The following CNTNAP2 variants were observed in gnomAD, a reference collection of about 807,000 sequenced individuals.
CNTNAP2 encodes contactin-associated protein-like 2.
Under a neutral mutation model 155.2 loss-of-function variants are expected in CNTNAP2, and 98 were observed. The ratio of observed to expected loss-of-function variants is 0.63; its 90% CI spans 0.54 to 0.75. The LOEUF is 0.75. CNTNAP2 is among the 30% of genes least tolerant of loss of function. The pLI is 0.00. For missense variants in CNTNAP2, 1,727 were observed against 1,688.1 expected (o/e 1.02, Z -0.40); for synonymous variants, 651 against 631.2 (o/e 1.03, Z -0.47).
chr7:146,289,093 C>T (rs1025007596), intron 1 of CNTNAP2, among the ~76,000 whole-genome samples: 7 of 152,034 alleles, frequency 4.6e-5, no homozygotes, highest in East Asian at 1.9e-4. Flanking sequence ...CATGAGCCAC[C>T]GCGCCCTGGC....
At chr7:146,368,770 T>G (rs1795189778) in intron 1 of CNTNAP2, among the ~76,000 whole-genome samples, 2 of 151,728 alleles carry the variant, frequency 1.3e-5, no homozygotes, top group South Asian at 4.1e-4. Context: ...GAACAAGAAT[T>G]GTTATATTCT....
chr7:147,330,186 G>T (rs1480557154), intron 9 of CNTNAP2, among the ~76,000 whole-genome samples: 1 of 152,078 alleles, frequency 6.6e-6, no homozygotes, highest in Non-Finnish European at 1.5e-5. Context: ...CTGGAGATTA[G>T]GCTCTATGAA....
At chr7:147,769,308 A>G (rs903775874) in intron 13 of CNTNAP2, among the ~76,000 whole-genome samples, 2 of 152,114 alleles carry the variant, frequency 1.3e-5, no homozygotes, top group African/African-American at 2.4e-5. Flanking sequence ...AGCACATACT[A>G]TGTTCGCTGG....
chr7:147,275,928 T>G (rs1042817381), intron 8 of CNTNAP2, among the ~76,000 whole-genome samples: 8 of 151,260 alleles, frequency 5.3e-5, no homozygotes, highest in East Asian at 1.9e-4. Context: ...ATCATATGGG[T>G]TTTTTTTTAA....
At chr7:146,963,341 A>G (rs1173804256) in intron 3 of CNTNAP2, among the ~76,000 whole-genome samples, 2 of 152,134 alleles carry the variant, frequency 1.3e-5, no homozygotes, top group Admixed American at 6.5e-5. Context: ...CTCAAATGTC[A>G]TGTATCTTTG....
At chr7:147,692,420 C>T in intron 13 of CNTNAP2, among the ~76,000 whole-genome samples, 1 of 152,090 alleles carries the variant, frequency 6.6e-6, no homozygotes, top group East Asian at 1.9e-4. Context: ...AGGTTTGTAA[C>T]ACACTACCAA....
intron 4 of CNTNAP2, among the ~76,000 whole-genome samples, chr7:147,089,500 A>C (rs1323137324): frequency 1.3e-5 from 2 of 152,140 alleles, no homozygotes; most frequent in Non-Finnish European, 2.9e-5. Flanking sequence ...TAGCTAATTT[A>C]TTCTTAACCA....
At chr7:147,377,149 G>T (rs1481874722) in intron 9 of CNTNAP2, among the ~76,000 whole-genome samples, 4 of 138,774 alleles carry the variant, frequency 2.9e-5, no homozygotes, top group South Asian at 2.4e-4. Context: ...CCCCCCTTTT[G>T]GTTGATCAAA....
intron 1 of CNTNAP2, among the ~76,000 whole-genome samples, chr7:146,403,516 C>T (rs749401152): frequency 6.6e-6 from 1 of 152,054 alleles, no homozygotes; most frequent in Non-Finnish European, 1.5e-5. Context: ...TATTTTTGAT[C>T]AGTTTCTAAT....
chr7:147,369,072 C>T (rs773918880), intron 9 of CNTNAP2, among the ~76,000 whole-genome samples: 11 of 151,994 alleles, frequency 7.2e-5, no homozygotes, highest in Non-Finnish European at 1.3e-4. Context: ...GTCTATACAA[C>T]GGAAAAAAGT....
chr7:146,943,368 T>G lies in CNTNAP2; in HGVS notation c.403-100539T>G, dbSNP rs372969551. ...TTAGCCGGGTGTGGTGGCATGCACC[T>G]GGAATCCTAGCTACTAGGCAGGCTG... On this transcript the variant is annotated intron_variant, in intron 3 of 23. Coordinates refer to ENST00000361727, the MANE Select transcript of CNTNAP2 (RefSeq NM_014141.6). Among the ~76,000 whole-genome samples the G allele has an allele frequency of 4.6e-5, 7 of 152,246 alleles. 1 individual carries two copies. The highest frequency in any genetic ancestry group is 1.4e-4 in the African/African-American group (6 of 41,570).
intron 16 of CNTNAP2, among the ~76,000 whole-genome samples, chr7:148,132,841 G>A (rs1169637537): frequency 6.6e-6 from 1 of 152,102 alleles, no homozygotes; most frequent in East Asian, 1.9e-4. Flanking sequence ...GCTCCCACGT[G>A]GCTTCCAGCC....
At chr7:148,039,348 A>T (rs1437063823) in intron 15 of CNTNAP2, among the ~76,000 whole-genome samples, 1 of 152,056 alleles carries the variant, frequency 6.6e-6, no homozygotes, top group Non-Finnish European at 1.5e-5. Flanking sequence ...TATCTCTGGG[A>T]CCTCAGCAAA....
At chr7:146,574,782 GTC>G (rs1454387556) in intron 1 of CNTNAP2, among the ~76,000 whole-genome samples, 8 of 152,084 alleles carry the variant, frequency 5.3e-5, no homozygotes, top group Admixed American at 2.0e-4. Flanking sequence ...ATCTAATTTT[GTC>G]TCTCTTTTTC....
intron 1 of CNTNAP2, among the ~76,000 whole-genome samples, chr7:146,489,097 C>T (rs1211338073): frequency 1.3e-5 from 2 of 152,150 alleles, no homozygotes; most frequent in Admixed American, 1.3e-4. Flanking sequence ...AGTTTGGGGC[C>T]ATTTCCCAAG....
At chr7:146,221,146 A>G (rs563501502) in intron 1 of CNTNAP2, among the ~76,000 whole-genome samples, 1 of 152,188 alleles carries the variant, frequency 6.6e-6, no homozygotes, top group Admixed American at 6.5e-5. Flanking sequence ...TCCCACAACC[A>G]TGAACAACTT....
At chr7:148,386,312 G>A (rs1481159576) in intron 22 of CNTNAP2, among the ~76,000 whole-genome samples, 2 of 152,102 alleles carry the variant, frequency 1.3e-5, no homozygotes, top group East Asian at 1.9e-4. Context: ...GGTGGATCAT[G>A]AGGTCAGGAG....
chr7:147,562,358 C>A, intron 12 of CNTNAP2, 101 bp downstream of exon 12: 1 of 1,423,716 alleles, frequency 7.0e-7, no homozygotes, highest in Non-Finnish European at 9.8e-7. Flanking sequence ...GTTTTTATCA[C>A]AACATCTAAT....
chr7:146,754,821 G>A (rs879563774), intron 1 of CNTNAP2, among the ~76,000 whole-genome samples: 2 of 151,778 alleles, frequency 1.3e-5, no homozygotes, highest in Non-Finnish European at 2.9e-5. Flanking sequence ...GCAGTTTTCC[G>A]GAAACCACAC....
Sources: gnomAD v4.1 joint callset for allele counts (sites outside exome capture counted in the v4.1 genomes callset) on GRCh38, gnomAD v4.1.1 for gene constraint, MANE v1.5 for transcripts, NCBI Gene and HGNC (gene_info 2026-07-23, HGNC 2026-07-21) for gene names.